Variants in ODF1 observed in about 807,000 individuals in gnomAD.
ODF1 encodes the protein outer dense fiber of sperm tails 1.
ODF1 carries 10 observed loss-of-function variants against 24.0 expected under a neutral mutation model. The ratio of observed to expected loss-of-function variants is 0.42; its 90% CI spans 0.26 to 0.71. The LOEUF (loss-of-function observed/expected upper bound fraction) is 0.71, where lower values mean the gene tolerates loss of function less well. Among genes scored for constraint, ODF1 ranks in the 30% least tolerant of loss-of-function variants. ODF1 has a pLI of 0.28. For missense variants in ODF1, 282 were observed against 307.9 expected (o/e 0.92, Z 0.63); for synonymous variants, 118 against 121.3 (o/e 0.97, Z 0.18).
chr8:102,558,745 T>TACAC lies in ODF1; in HGVS notation c.321-1689_321-1686dup, dbSNP rs58708188. Among the ~76,000 whole-genome samples the TACAC allele has an allele frequency of 1.6e-4, 23 of 144,802 alleles. 1 individual carries two copies. The highest frequency in any genetic ancestry group is 4.9e-4 in the African/African-American group (18 of 36,910). The allele number at this position is 144,802 out of a possible 152,430, so 95.0% of individuals were successfully genotyped here. On this transcript the variant is annotated intron_variant, in intron 1 of 1. Transcript: ENST00000285402. ...CTCTCTCTCTACATGTATATAGAAC[T>TACAC]ACACACACACACACACACACAGACA...
chr8:102,554,900 G>A (rs901272088), intron 1 of ODF1, among the ~76,000 whole-genome samples: 5 of 152,116 alleles, frequency 3.3e-5, no homozygotes, highest in Non-Finnish European at 7.4e-5. Flanking sequence ...CAGGACTGCG[G>A]TAAGCCATGA....
rs117566641 is a variant in ODF1, at chr8:102,555,713, C to A, written c.320+3666C>A. On this transcript the variant is annotated intron_variant, in intron 1 of 1. Transcript: ENST00000285402. ...TCAGAGAAAACATTCTAGTCTCTCT[C>A]ATTCTCTGACCCAGAGGTCGGAGTA... Among the ~76,000 whole-genome samples the A allele has an allele frequency of 2.5e-3, 385 of 152,330 alleles. 1 individual carries two copies. The highest frequency in any genetic ancestry group is 4.2e-3 in the Non-Finnish European group (284 of 68,028).
intron 1 of ODF1, among the ~76,000 whole-genome samples, chr8:102,559,386 G>A (rs1450648089): frequency 6.6e-6 from 1 of 151,744 alleles, no homozygotes; most frequent in Non-Finnish European, 1.5e-5. Context: ...ATAGCAACAA[G>A]GTAGGAACCA....
At chr8:102,552,717 C>T (rs1826057295) in intron 1 of ODF1, among the ~76,000 whole-genome samples, 1 of 152,086 alleles carries the variant, frequency 6.6e-6, no homozygotes, top group South Asian at 2.1e-4. Context: ...TAAAAAGAGT[C>T]AGTTTTTTAA....
chr8:102,551,679 G>A lies in ODF1; in HGVS notation c.-49G>A, dbSNP rs3808357. Reference sequence around the variant, plus strand: ...AAGGGCTTAGAACAAATTTTTTCCCGGAGTGCCATTTCCCAAAGGTACTCA... The same window carrying A: ...AAGGGCTTAGAACAAATTTTTTCCCAGAGTGCCATTTCCCAAAGGTACTCA... On this transcript the variant is annotated 5_prime_UTR_variant, in exon 1 of 2. Coordinates refer to ENST00000285402, the MANE Select transcript of ODF1 (RefSeq NM_024410.4). 1.4e-4 allele frequency: 208 copies of A among 1,474,606 alleles called. No individual in the cohort carries two copies. Among genetic ancestry groups the A allele is most frequent in the Middle Eastern group, 1.8e-4 (1 of 5,510 alleles). The allele number at this position is 1,474,606 out of a possible 1,614,324, so 91.3% of individuals were successfully genotyped here. A position where few individuals can be genotyped will look rare whatever the true frequency, so the allele number is the denominator to read the frequency against.
chr8:102,555,126 A>G (rs2511761), intron 1 of ODF1, among the ~76,000 whole-genome samples: 128,019 of 152,014 alleles, frequency 0.84, 54,219 homozygotes, highest in Middle Eastern at 0.88. Flanking sequence ...AGAGGCAGGC[A>G]GTGTCCCTGT....
intron 1 of ODF1, among the ~76,000 whole-genome samples, chr8:102,557,930 A>G (rs1198922376): frequency 1.3e-5 from 2 of 152,214 alleles, no homozygotes; most frequent in Non-Finnish European, 2.9e-5. Flanking sequence ...CAGAGAGGGT[A>G]CCATGCCTGG....
chr8:102,556,583 G>A (rs535848316), intron 1 of ODF1, among the ~76,000 whole-genome samples: 14 of 152,160 alleles, frequency 9.2e-5, no homozygotes, highest in Middle Eastern at 3.4e-3. Context: ...GAGTAACTGG[G>A]ACTAGAGGTG....
In ODF1 at chr8:102,560,835, C is replaced by A; in HGVS notation, c.704C>A (p.Pro235Gln). ...NPCSPYDPCNPCYPCGSRFSC... is the reference protein window; with the variant it reads ...NPCSPYDPCNQCYPCGSRFSC... ...TGCAGCCCATATGATCCTTGCAACC[C>A]GTGTTATCCCTGTGGAAGCCGATTT... The change falls in exon 2 of 2, where the codon CCG becomes CAG. Residue 235 changes from proline to glutamine, a missense_variant. Coordinates refer to ENST00000285402, the MANE Select transcript of ODF1 (RefSeq NM_024410.4). 1 of 1,613,542 alleles carries A rather than the reference C, an allele frequency of 6.2e-7. No individual in the cohort carries two copies.
At chr8:102,554,193 T>TA (rs1165381985) in intron 1 of ODF1, among the ~76,000 whole-genome samples, 1 of 152,258 alleles carries the variant, frequency 6.6e-6, no homozygotes, top group Non-Finnish European at 1.5e-5. Context: ...TTTTTTCTTC[T>TA]AGTGCAGTGC....
Position 102,560,778 on chromosome 8 carries a change from G to GCCCGTGCAA in ODF1, c.650_651insGTGCAACCC (p.Asn219_Cys221dup), listed in dbSNP as rs749034538. The GCCCGTGCAA allele has an allele frequency of 2.0e-6, 3 of 1,489,406 alleles. No homozygotes were observed. Among genetic ancestry groups the GCCCGTGCAA allele is most frequent in the South Asian group, 1.2e-5 (1 of 84,670 alleles). 92.3% of individuals were successfully genotyped at this position (1,489,406 alleles called of 1,614,324 possible). A position where few individuals can be genotyped will look rare whatever the true frequency, so the allele number is the denominator to read the frequency against. On this transcript the variant is annotated inframe_insertion, in exon 2 of 2. Transcript: ENST00000285402. The stretch of plus-strand genomic sequence containing the variant: ...CCTTGCAGCCCCTGCAGCCCCTGCA[G>GCCCGTGCAA]CCCCTGCAACCCCTGCAGCCCCTGC...
chr8:102,560,596 G>A lies in ODF1; in HGVS notation c.465G>A (p.Glu155=), dbSNP rs1826166971. The change falls in exon 2 of 2, where the codon GAG becomes GAA. Residue 155 remains glutamate (E), a synonymous_variant. Coordinates refer to ENST00000285402, the MANE Select transcript of ODF1 (RefSeq NM_024410.4). The stretch of plus-strand genomic sequence containing the variant: ...AGGTATGTGTGTCGGCTGAGCGGGA[G>A]AACAGGTACGACTGCCTTGGATCGA... The part of the protein sequence containing the change: ...DGKVCVSAER[E]NRYDCLGSKK... 6.2e-7 allele frequency: 1 copy of A among 1,614,236 alleles called. No individual in the cohort carries two copies. Among genetic ancestry groups the A allele is most frequent in the Non-Finnish European group, 8.5e-7 (1 of 1,180,038 alleles).
rs1266223011 is a variant in ODF1 at position 102,560,623 on chromosome 8, A to G, written c.492A>G (p.Lys164=). Residue 164 remains lysine, a synonymous_variant, in exon 2 of 2, where the codon AAA becomes AAG. Coordinates refer to ENST00000285402, the MANE Select transcript of ODF1 (RefSeq NM_024410.4). The part of the protein sequence containing the change: ...RENRYDCLGS[K]KYSYMNICKE... ...ACAGGTACGACTGCCTTGGATCGAAAAAGTACAGCTACATGAACATCTGCA... is the reference window on the plus strand; with the variant it reads ...ACAGGTACGACTGCCTTGGATCGAAGAAGTACAGCTACATGAACATCTGCA... 1 of 1,614,122 alleles carries G rather than the reference A, an allele frequency of 6.2e-7. No individual in the cohort carries two copies. Among genetic ancestry groups the G allele is most frequent in the Non-Finnish European group, 8.5e-7 (1 of 1,180,052 alleles).
intron 1 of ODF1, among the ~76,000 whole-genome samples, chr8:102,552,338 G>A (rs762782478): frequency 6.6e-6 from 1 of 151,698 alleles, no homozygotes; most frequent in African/African-American, 2.4e-5. Context: ...GAAACAGGGG[G>A]TGTCATTAAA....
intron 1 of ODF1, among the ~76,000 whole-genome samples, chr8:102,558,493 AC>A (rs1826139757): frequency 6.6e-6 from 1 of 152,106 alleles, no homozygotes; most frequent in African/African-American, 2.4e-5. Flanking sequence ...GGGACTGAAT[AC>A]AGTCCTCTGG....
chr8:102,560,863 C>T lies in ODF1; in HGVS notation c.732C>T (p.Ser244=). 1 of 1,611,526 alleles carries T rather than the reference C, an allele frequency of 6.2e-7. No individual in the cohort carries two copies. Reference sequence around the variant, plus strand: ...GTTATCCCTGTGGAAGCCGATTTTCCTGTAGGAAGATGATTTTGTAAAGTG... The same window carrying T: ...GTTATCCCTGTGGAAGCCGATTTTCTTGTAGGAAGATGATTTTGTAAAGTG... The part of the protein sequence containing the change: ...NPCYPCGSRF[S]CRKMIL Residue 244 remains serine (S), a synonymous_variant, in exon 2 of 2, where the codon TCC becomes TCT. Coordinates refer to ENST00000285402, the MANE Select transcript of ODF1 (RefSeq NM_024410.4).
chr8:102,556,826 T>C (rs1326965669), intron 1 of ODF1, among the ~76,000 whole-genome samples: 2 of 152,174 alleles, frequency 1.3e-5, no homozygotes, highest in Non-Finnish European at 2.9e-5. Flanking sequence ...AATGGGTCTT[T>C]GGGATGGGGC....
rs747952824 is a variant in ODF1, at chr8:102,560,559, T to C, written c.428T>C (p.Val143Ala). ...GAACCCGATCAAGTCAAAGTTCGAG[T>C]GAAGGATGGAAAGGTATGTGTGTCG... ...GFEPDQVKVR[V>A]KDGKVCVSAE... Residue 143 changes from valine to alanine, a missense_variant, in exon 2 of 2, where the codon GTG becomes GCG. Coordinates refer to ENST00000285402, the MANE Select transcript of ODF1 (RefSeq NM_024410.4). The C allele has an allele frequency of 1.2e-6, 2 of 1,613,948 alleles. 1 individual carries two copies. The highest frequency in any genetic ancestry group is 2.2e-5 in the South Asian group (2 of 91,070).
chr8:102,557,421 T>C (rs1161911787), intron 1 of ODF1, among the ~76,000 whole-genome samples: 1 of 152,212 alleles, frequency 6.6e-6, no homozygotes, highest in Admixed American at 6.5e-5. Flanking sequence ...AAGTATGATC[T>C]GGCCAAGACT....
Sources: gnomAD v4.1 joint callset for allele counts (sites outside exome capture counted in the v4.1 genomes callset) on GRCh38, gnomAD v4.1.1 for gene constraint, MANE v1.5 for transcripts, NCBI Gene and HGNC (gene_info 2026-07-23, HGNC 2026-07-21) for gene names.